ZZEF1: variants seen among roughly 807,000 people sequenced by gnomAD.
The protein encoded by ZZEF1 is zinc finger ZZ-type and EF-hand domain-containing protein 1.
Under a neutral mutation model 342.8 loss-of-function variants are expected in ZZEF1, and 157 were observed. The observed-to-expected ratio is 0.46, with a 90% CI of 0.40 to 0.52. The LOEUF is 0.52. Ranked by LOEUF, ZZEF1 falls within the 20% of genes least tolerant of loss-of-function variation. The pLI, the probability that ZZEF1 is intolerant of heterozygous loss-of-function variation, is 0.00. For synonymous variants in ZZEF1, 1,505 were observed against 1,429.1 expected (o/e 1.05, Z -1.20); for missense variants, 3,480 against 3,725.6 (o/e 0.93, Z 1.72).
intron 44 of ZZEF1, among the ~76,000 whole-genome samples, chr17:4,021,987 T>A (rs542141361): frequency 1.3e-5 from 2 of 152,142 alleles, no homozygotes; most frequent in East Asian, 3.9e-4. Flanking sequence ...TAATAAAAAA[T>A]TTTAATTTAA....
chr17:4,103,812 C>T (rs746638012), intron 8 of ZZEF1, among the ~76,000 whole-genome samples: 11 of 152,054 alleles, frequency 7.2e-5, no homozygotes, highest in Admixed American at 6.6e-4. Flanking sequence ...CCCAGGTACT[C>T]GGGAGAGTGA....
intron 43 of ZZEF1, among the ~76,000 whole-genome samples, chr17:4,023,651 C>T (rs1291502116): frequency 9.7e-6 from 1 of 103,202 alleles, no homozygotes; most frequent in Non-Finnish European, 1.8e-5. Context: ...AAGACCCTGT[C>T]TCTCCAAAAA....
chr17:4,111,236 AATACACAC>A (rs776604097), intron 5 of ZZEF1, among the ~76,000 whole-genome samples: 8 of 152,276 alleles, frequency 5.3e-5, no homozygotes, highest in Admixed American at 1.3e-4. Context: ...TACACACACA[AATACACAC>A]ACACACGGAA....
intron 30 of ZZEF1, among the ~76,000 whole-genome samples, chr17:4,060,075 C>A (rs749815594): frequency 6.6e-6 from 1 of 152,262 alleles, no homozygotes; most frequent in Non-Finnish European, 1.5e-5. Flanking sequence ...ACACTAACTC[C>A]CGTGTCCCTT....
Position 4,090,822 on chromosome 17 carries a change from C to G in ZZEF1, c.1922G>C (p.Cys641Ser). 1 of 1,613,432 alleles carries G rather than the reference C, an allele frequency of 6.2e-7. No individual in the cohort carries two copies. Among genetic ancestry groups the G allele is most frequent in the Non-Finnish European group, 8.5e-7 (1 of 1,179,482 alleles). The change falls in exon 12 of 55, where the codon TGC becomes TCC. Residue 641 changes from cysteine (C) to serine (S), a missense_variant. This residue lies in a region of ZZEF1 where 1,528 missense variants were observed against 1,624.1 expected (regional missense o/e 0.94). Transcript: ENST00000381638. Reference sequence around the variant, plus strand: ...ATCCTCTCCAAGGTCATCAGATGAGCAACCAATCCTGTAAAGACAAGAGTA... The same window carrying G: ...ATCCTCTCCAAGGTCATCAGATGAGGAACCAATCCTGTAAAGACAAGAGTA... The part of the protein sequence containing the change: ...LRQFVKSRIG[C>S]SSDDLGEDDP...
chr17:4,141,280 T>C (rs977182456), intron 1 of ZZEF1, among the ~76,000 whole-genome samples: 1 of 152,228 alleles, frequency 6.6e-6, no homozygotes, highest in Non-Finnish European at 1.5e-5. Flanking sequence ...AACTACATTA[T>C]CTGAATTCTG....
chr17:4,074,459 T>C, intron 23 of ZZEF1, 108 bp from the exon 24 acceptor site: 2 of 1,157,454 alleles, frequency 1.7e-6, no homozygotes, highest in South Asian at 1.3e-5. Flanking sequence ...TTGATCTCTA[T>C]TTCCACATGT....
Position 4,019,727 on chromosome 17 carries a change from C to T in ZZEF1, c.7447G>A (p.Ala2483Thr). ...ALNAPLHILR[A>T]IYELQMKKTD... The stretch of plus-strand genomic sequence containing the variant: ...TTTTTCATCTGCAGTTCGTATATGG[C>T]CCGGAGAATGTGCAGAGGGGCATTG... Residue 2483 changes from alanine (A) to threonine (T), a missense_variant, in exon 46 of 55, where the codon GCC becomes ACC. Coordinates refer to ENST00000381638, the MANE Select transcript of ZZEF1 (RefSeq NM_015113.4). The T allele has an allele frequency of 6.2e-7, 1 of 1,612,468 alleles. No homozygotes were observed. The highest frequency in any genetic ancestry group is 8.5e-7 in the Non-Finnish European group (1 of 1,179,600).
rs201040130 is a variant in ZZEF1, at chr17:4,095,892, T to C, written c.1852A>G (p.Lys618Glu). The C allele has an allele frequency of 1.1e-5, 17 of 1,613,924 alleles. No individual in the cohort carries two copies. Among genetic ancestry groups the C allele is most frequent in the Non-Finnish European group, 1.4e-5 (16 of 1,179,858 alleles). ...CATTTGTCATATTTTTCAAACCTTTTGAAGTGTTCTTCCGCACAAAATTTA... is the reference window on the plus strand; with the variant it reads ...CATTTGTCATATTTTTCAAACCTTTCGAAGTGTTCTTCCGCACAAAATTTA... ...SDKFCAEEHF[K>E]RFEKYDKWKL... is the part of the protein sequence containing the mutation. The change falls in exon 11 of 55, where the codon AAA (lysine) becomes GAA (glutamate). Residue 618 changes from lysine (K) to glutamate (E), a missense_variant. Physicochemically the swap from Lys to Glu is moderately conservative, Grantham distance 56. This residue lies in a region of ZZEF1 where 1,528 missense variants were observed against 1,624.1 expected (regional missense o/e 0.94). Transcript: ENST00000381638.
chr17:4,009,864 G>T, intron 52 of ZZEF1, 107 bp from the exon 53 acceptor site: 3 of 1,319,306 alleles, frequency 2.3e-6, no homozygotes, highest in Non-Finnish European at 2.1e-6. Context: ...TCCCACAGCT[G>T]GTACAAATGA....
intron 2 of ZZEF1, among the ~76,000 whole-genome samples, chr17:4,123,215 C>T (rs1185327729): frequency 7.6e-5 from 11 of 143,798 alleles, no homozygotes; most frequent in Non-Finnish European, 1.7e-4. Context: ...CCACCGCGCC[C>T]GGCCTGACCT....
intron 45 of ZZEF1, among the ~76,000 whole-genome samples, chr17:4,020,241 G>C (rs1241452575): frequency 6.6e-6 from 1 of 152,184 alleles, no homozygotes; most frequent in East Asian, 1.9e-4. Context: ...AAGGCAAGAG[G>C]AGTTTTAACC....
At chr17:4,112,061 TATATATATATATATATATATATATATATA>T (rs1359304830) in intron 5 of ZZEF1, among the ~76,000 whole-genome samples, 3 of 46,660 alleles carry the variant, frequency 6.4e-5, no homozygotes, top group Non-Finnish European at 1.2e-4. Flanking sequence ...TATATATATA[TATATATATATATATATATATATATATATA>T]TATGTTTTGT....
chr17:4,112,321 T>C (rs908424349), intron 5 of ZZEF1, among the ~76,000 whole-genome samples: 1 of 151,302 alleles, frequency 6.6e-6, no homozygotes, highest in African/African-American at 2.4e-5. Context: ...AATTTTTGTA[T>C]TTTTAGTAGA....
At chr17:4,116,448 G>A (rs541719995) in intron 3 of ZZEF1, among the ~76,000 whole-genome samples, 8 of 152,236 alleles carry the variant, frequency 5.3e-5, no homozygotes, top group African/African-American at 1.9e-4. Flanking sequence ...ATGTATATCG[G>A]CGTCTATGCC....
chr17:4,082,887 T>C (rs1267170179), intron 16 of ZZEF1, among the ~76,000 whole-genome samples: 2 of 152,194 alleles, frequency 1.3e-5, no homozygotes, highest in East Asian at 1.9e-4. Context: ...GCAATTCTCC[T>C]GCCTCAGCCT....
Position 4,074,368 on chromosome 17 carries a change from A to G in ZZEF1, c.3484-17T>C, listed in dbSNP as rs772844759. On this transcript the variant is annotated splice_polypyrimidine_tract_variant and intron_variant, in intron 23 of 54. Transcript: ENST00000381638. ...GGTCACTTTCTAGAGACAAACAGAA[A>G]TCATGTGGTCAGACAGATTAGAGGA... 4 of 1,613,998 alleles carry G rather than the reference A, an allele frequency of 2.5e-6. No individual in the cohort carries two copies. The highest frequency in any genetic ancestry group is 2.2e-5 in the East Asian group (1 of 44,884).
chr17:4,004,749 C>G lies in ZZEF1; in HGVS notation c.*2141G>C, dbSNP rs2055767034. 1 of 152,286 alleles carries G rather than the reference C, an allele frequency of 6.6e-6. No homozygotes were observed. Among genetic ancestry groups the G allele is most frequent in the Admixed American group, 6.5e-5 (1 of 15,290 alleles). The allele number at this position is 152,286 out of a possible 1,614,324, so 9.4% of individuals were successfully genotyped here. A position where few individuals can be genotyped will look rare whatever the true frequency, so the allele number is the denominator to read the frequency against. On this transcript the variant is annotated 3_prime_UTR_variant, in exon 55 of 55. Transcript: ENST00000381638. ...CTCTGCGGGCTTCGCCTCCTCCGGGCCTGGGGCTCCTGGAAAGCGCCGGGA... is the reference window on the plus strand; with the variant it reads ...CTCTGCGGGCTTCGCCTCCTCCGGGGCTGGGGCTCCTGGAAAGCGCCGGGA...
intron 18 of ZZEF1, among the ~76,000 whole-genome samples, chr17:4,080,317 T>C (rs1425037498): frequency 8.2e-6 from 1 of 121,236 alleles, no homozygotes; most frequent in Non-Finnish European, 1.9e-5. Context: ...CTAAGAAATC[T>C]GAATTTTTTT....
Sources: gnomAD v4.1 joint callset for allele counts (sites outside exome capture counted in the v4.1 genomes callset) on GRCh38, gnomAD v4.1.1 for gene constraint, gnomAD v4.1.1 regional missense constraint, MANE v1.5 for transcripts, NCBI Gene and HGNC (gene_info 2026-07-23, HGNC 2026-07-21) for gene names.